CLTCL1: variants seen among roughly 807,000 people sequenced by gnomAD.
The protein encoded by CLTCL1 is clathrin heavy chain like 1, also known as clathrin heavy chain 2.
CLTCL1 carries 159 observed loss-of-function variants against 190.0 expected under a neutral mutation model. The observed-to-expected ratio is 0.84, with a 90% CI of 0.74 to 0.95. The LOEUF (loss-of-function observed/expected upper bound fraction) is 0.95. Among genes scored for constraint, CLTCL1 ranks in the 40% least tolerant of loss-of-function variants. The pLI is 0.00. For synonymous variants in CLTCL1, 752 were observed against 769.6 expected, an observed-to-expected ratio of 0.98 and a Z score of 0.38; for missense variants, 1,878 against 2,033.4, an observed-to-expected ratio of 0.92 and a Z score of 1.47.
chr22:19,242,454 C>A (rs1369544470), intron 4 of CLTCL1, among the ~76,000 whole-genome samples: 8 of 152,116 alleles, frequency 5.3e-5, no homozygotes, highest in Non-Finnish European at 8.8e-5. Flanking sequence ...CGCCACCATG[C>A]CCAGTTAATG....
intron 2 of CLTCL1, among the ~76,000 whole-genome samples, chr22:19,257,252 T>A (rs967864276): frequency 6.6e-6 from 1 of 152,062 alleles, no homozygotes; most frequent in Non-Finnish European, 1.5e-5. Context: ...CAGACACCAG[T>A]GGAATATAAG....
chr22:19,191,492 C>T (rs1035756600), intron 26 of CLTCL1, 57 bp from the exon 27 acceptor site: 3 of 1,594,600 alleles, frequency 1.9e-6, no homozygotes, highest in Non-Finnish European at 1.7e-6. Flanking sequence ...TACCCCAGGG[C>T]TCCTTCCAGT....
intron 5 of CLTCL1, 83 bp downstream of exon 5, chr22:19,239,192 A>G (rs1373146180): frequency 9.2e-7 from 1 of 1,091,048 alleles, no homozygotes; most frequent in African/African-American, 1.6e-5. Flanking sequence ...GAAGCAGACT[A>G]AAAATGGCAG....
At chr22:19,190,238 A>G (rs1044080379) in intron 27 of CLTCL1, among the ~76,000 whole-genome samples, 3 of 152,226 alleles carry the variant, frequency 2.0e-5, no homozygotes, top group African/African-American at 7.2e-5. Context: ...GATTACAGGC[A>G]TAAGCCACCA....
chr22:19,210,622 T>TAC (rs2085190435), intron 19 of CLTCL1, 113 bp from the exon 20 acceptor site: 2 of 704,084 alleles, frequency 2.8e-6, no homozygotes, highest in Admixed American at 2.9e-5. Context: ...GTAATTAATA[T>TAC]ACACACACAT....
At chr22:19,197,357 T>G (rs782298338) in intron 24 of CLTCL1, among the ~76,000 whole-genome samples, 7 of 152,244 alleles carry the variant, frequency 4.6e-5, no homozygotes, top group Non-Finnish European at 1.0e-4. Flanking sequence ...GCTGGCAGCA[T>G]CTGCACCCCC....
At chr22:19,275,890 C>A (rs1240721339) in intron 1 of CLTCL1, 60 bp from the exon 2 acceptor site, 15 of 1,416,312 alleles carry the variant, frequency 1.1e-5, no homozygotes, top group Non-Finnish European at 9.7e-6. Context: ...TGACTGTAGC[C>A]AAAGGCAAAA....
rs2086673461 is a variant in CLTCL1 at position 19,253,950 on chromosome 22, A to G, written c.519+9T>C. Reference sequence around the variant, plus strand: ...TCAGACCAGCCCCTAAAGGCAGCTCAAGGCTTACCTGAGCCGAGATGCCTA... The same window carrying G: ...TCAGACCAGCCCCTAAAGGCAGCTCGAGGCTTACCTGAGCCGAGATGCCTA... On this transcript the variant is annotated intron_variant, in intron 3 of 32. Coordinates refer to ENST00000427926, the MANE Select transcript of CLTCL1 (RefSeq NM_007098.4). 6.2e-7 allele frequency: 1 copy of G among 1,610,238 alleles called. No homozygotes were observed. The highest frequency in any genetic ancestry group is 8.5e-7 in the Non-Finnish European group (1 of 1,177,346).
intron 29 of CLTCL1, chr22:19,183,864 CT>C (rs1477051698): frequency 1.9e-6 from 1 of 526,410 alleles, no homozygotes; most frequent in Non-Finnish European, 3.4e-6. Context: ...GACAGGAACT[CT>C]AGCCCCGAGG....
chr22:19,208,968 G>GT lies in CLTCL1; in HGVS notation c.3395dup (p.Asp1132GlufsTer24). 1.9e-6 allele frequency: 3 copies of GT among 1,611,534 alleles called. No homozygotes were observed. ...CAACTTCCAGGTAAGAGGAAGGGTC[G>GT]TCCCCTCTGATATAGGAGTTGATGG... is the stretch of plus-strand genomic sequence containing the variant. On this transcript the variant is annotated frameshift_variant, in exon 21 of 33. Coordinates refer to ENST00000427926, the MANE Select transcript of CLTCL1 (RefSeq NM_007098.4). LOFTEE classifies it high-confidence loss of function.
chr22:19,235,956 C>CTTGT (rs782287698), intron 5 of CLTCL1, 87 bp from the exon 6 acceptor site: 20 of 1,217,880 alleles, frequency 1.6e-5, no homozygotes, highest in East Asian at 1.0e-4. Flanking sequence ...AAAGAGGATT[C>CTTGT]TTGTTTGTTT....
chr22:19,191,974 C>G (rs545837068), intron 26 of CLTCL1, among the ~76,000 whole-genome samples: 17 of 152,218 alleles, frequency 1.1e-4, no homozygotes, highest in African/African-American at 4.1e-4. Flanking sequence ...TGTGCCTGTG[C>G]TCCTGGGTCT....
At chr22:19,244,258 T>C (rs1555967028) in intron 3 of CLTCL1, among the ~76,000 whole-genome samples, 1 of 152,142 alleles carries the variant, frequency 6.6e-6, no homozygotes, top group African/African-American at 2.4e-5. Context: ...AGATTTCTGT[T>C]AACGTTATTA....
rs1555961767 is a variant in CLTCL1 at position 19,235,789 on chromosome 22, G to A, written c.876C>T (p.Cys292=). ...LHLYDLESGV[C]ICMNRISADT... The stretch of plus-strand genomic sequence containing the variant: ...CAGCACTAATACGGTTCATGCAGAT[G>A]CACACGCCAGACTCTAGGTCGTACA... The change falls in exon 6 of 33, where the codon TGC becomes TGT. Residue 292 remains cysteine (C), a synonymous_variant. Transcript: ENST00000427926. 1.2e-6 allele frequency: 2 copies of A among 1,613,888 alleles called. No individual in the cohort carries two copies. Among genetic ancestry groups the A allele is most frequent in the East Asian group, 2.2e-5 (1 of 44,886 alleles).
chr22:19,193,964 C>T (rs1391661059), intron 26 of CLTCL1, among the ~76,000 whole-genome samples: 3 of 152,228 alleles, frequency 2.0e-5, no homozygotes, highest in African/African-American at 7.2e-5. Context: ...AAGACCCGAA[C>T]AGGTTGCACT....
intron 29 of CLTCL1, among the ~76,000 whole-genome samples, chr22:19,185,420 G>T (rs1422881266): frequency 6.6e-6 from 1 of 151,362 alleles, no homozygotes; most frequent in African/African-American, 2.4e-5. Flanking sequence ...TCTGCCTCCT[G>T]GGTTCACGCC....
At chr22:19,190,369 A>G (rs1392429969) in intron 27 of CLTCL1, among the ~76,000 whole-genome samples, 3 of 152,124 alleles carry the variant, frequency 2.0e-5, no homozygotes, top group African/African-American at 7.2e-5. Flanking sequence ...CACATACAAC[A>G]TTTATCCATT....
At chr22:19,282,208 A>G (rs887166092) in intron 1 of CLTCL1, among the ~76,000 whole-genome samples, 1 of 151,896 alleles carries the variant, frequency 6.6e-6, no homozygotes, top group Admixed American at 6.6e-5. Flanking sequence ...GTGCACCTGT[A>G]GTCTCAGCTA....
intron 29 of CLTCL1, among the ~76,000 whole-genome samples, chr22:19,186,613 T>TA (rs58988607): frequency 0.54 from 82,479 of 151,698 alleles, 22,649 homozygotes; most frequent in East Asian, 0.68. Context: ...TCCTTTTTTT[T>TA]TTTCCGAGAC....
Sources: allele counts gnomAD v4.1 joint callset (sites outside exome capture counted in the v4.1 genomes callset), GRCh38; gene constraint gnomAD v4.1.1; transcripts MANE v1.5; gene names NCBI Gene and HGNC (gene_info 2026-07-23, HGNC 2026-07-21).